The following HS3ST2 variants were observed in gnomAD, a reference collection of about 807,000 sequenced individuals.
HS3ST2 encodes heparan sulfate-glucosamine 3-sulfotransferase 2.
In HS3ST2, 17 loss-of-function variants were observed where a neutral mutation model predicts 26.3. The observed-to-expected ratio is 0.65, with a 90% confidence interval of 0.44 to 0.97. The LOEUF is 0.97. HS3ST2 is among the 50% of genes least tolerant of loss of function. The pLI, the probability that HS3ST2 is intolerant of heterozygous loss-of-function variation, is 0.00. For synonymous variants in HS3ST2, 237 were observed against 219.2 expected (o/e 1.08, Z -0.72); for missense variants, 402 against 501.2 (o/e 0.80, Z 1.89).
rs1040433437 is a variant in HS3ST2 at position 22,858,483 on chromosome 16, T to C, written c.485+43388T>C. On this transcript the variant is annotated intron_variant, in intron 1 of 1. Transcript: ENST00000261374. ...CAAGATGTTTTATGTTCCCAAACAA[T>C]GAAGTATAGGATAATTAGATCACTA... Among the ~76,000 whole-genome samples the C allele has an allele frequency of 5.3e-5, 8 of 152,040 alleles. No homozygotes were observed. The East Asian group carries it at 1.5e-3, about 29-fold the overall frequency.
Position 22,909,231 on chromosome 16 carries a change from G to C in HS3ST2, c.486-5713G>C, listed in dbSNP as rs917520379. 3.3e-5 allele frequency among the ~76,000 whole-genome samples: 5 copies of C among 152,106 alleles called. No homozygotes were observed. The South Asian group carries it at 6.2e-4, about 19-fold the overall frequency. On this transcript the variant is annotated intron_variant, in intron 1 of 1. Coordinates refer to ENST00000261374, the MANE Select transcript of HS3ST2 (RefSeq NM_006043.2). The stretch of plus-strand genomic sequence containing the variant: ...GTAGTAGTCCTCAAGGAAAAATCTG[G>C]GGCTGTTACCAGATGTAGGGAAAAT...
chr16:22,846,893 A>G (rs891885901), intron 1 of HS3ST2, among the ~76,000 whole-genome samples: 1 of 152,216 alleles, frequency 6.6e-6, no homozygotes, highest in Non-Finnish European at 1.5e-5. Flanking sequence ...GAGTCAGGAT[A>G]CAAAAGTGGG....
chr16:22,910,143 A>G (rs1567502355), intron 1 of HS3ST2, among the ~76,000 whole-genome samples: 1 of 152,168 alleles, frequency 6.6e-6, no homozygotes, highest in Non-Finnish European at 1.5e-5. Context: ...TTTGGAGATC[A>G]CTGGATTTGG....
At chr16:22,846,682 A>G (rs1391868277) in intron 1 of HS3ST2, among the ~76,000 whole-genome samples, 1 of 152,214 alleles carries the variant, frequency 6.6e-6, no homozygotes, top group African/African-American at 2.4e-5. Flanking sequence ...GTTGATGAGA[A>G]GGTGGACTAG....
chr16:22,833,852 C>G (rs577174780), intron 1 of HS3ST2, among the ~76,000 whole-genome samples: 1 of 151,576 alleles, frequency 6.6e-6, no homozygotes, highest in South Asian at 2.1e-4. Context: ...GAGATATTCA[C>G]GTGGCAGAAT....
At chr16:22,900,621 G>A (rs1902270427) in intron 1 of HS3ST2, among the ~76,000 whole-genome samples, 1 of 152,128 alleles carries the variant, frequency 6.6e-6, no homozygotes, top group Non-Finnish European at 1.5e-5. Context: ...GAAGTGGTAA[G>A]TTGAGGAGAA....
At chr16:22,866,487 A>C (rs1901754583) in intron 1 of HS3ST2, among the ~76,000 whole-genome samples, 1 of 152,028 alleles carries the variant, frequency 6.6e-6, no homozygotes, top group African/African-American at 2.4e-5. Flanking sequence ...ATTTGTATGA[A>C]GGCTGGGCAC....
At chr16:22,858,089 T>G (rs1445717426) in intron 1 of HS3ST2, among the ~76,000 whole-genome samples, 3 of 127,752 alleles carry the variant, frequency 2.3e-5, no homozygotes, top group African/African-American at 1.0e-4. Flanking sequence ...TAAGAGCTCT[T>G]AGGCATTTTA....
chr16:22,851,442 A>ACTAG (rs1289241526), intron 1 of HS3ST2, among the ~76,000 whole-genome samples: 1 of 152,234 alleles, frequency 6.6e-6, no homozygotes, highest in Non-Finnish European at 1.5e-5. Context: ...AATTGGCAAA[A>ACTAG]CTAGAATTAG....
intron 1 of HS3ST2, among the ~76,000 whole-genome samples, chr16:22,837,121 T>TG (rs1325986027): frequency 3.2e-5 from 3 of 95,036 alleles, no homozygotes; most frequent in African/African-American, 9.2e-5. Context: ...CCTATACAGT[T>TG]TTTTTTTTTT....
intron 1 of HS3ST2, among the ~76,000 whole-genome samples, chr16:22,847,524 A>G (rs1313620172): frequency 6.6e-6 from 1 of 152,222 alleles, no homozygotes; most frequent in Non-Finnish European, 1.5e-5. Flanking sequence ...GTATATTGCA[A>G]AACAATATAC....
chr16:22,909,243 G>A (rs971408489), intron 1 of HS3ST2, among the ~76,000 whole-genome samples: 1 of 152,212 alleles, frequency 6.6e-6, no homozygotes, highest in Non-Finnish European at 1.5e-5. Context: ...GCTGTTACCA[G>A]ATGTAGGGAA....
intron 1 of HS3ST2, among the ~76,000 whole-genome samples, chr16:22,911,462 A>G (rs1275199929): frequency 2.0e-5 from 3 of 152,208 alleles, no homozygotes; most frequent in Non-Finnish European, 4.4e-5. Flanking sequence ...AAATTACTGC[A>G]AACTAGGTGG....
At chr16:22,859,415 C>G (rs13331591) in intron 1 of HS3ST2, among the ~76,000 whole-genome samples, 9,839 of 152,196 alleles carry the variant, frequency 0.065, 411 homozygotes, top group African/African-American at 0.12. Flanking sequence ...TTGCAGAAAG[C>G]TAGATAACTG....
At chr16:22,834,217 A>T (rs551804625) in intron 1 of HS3ST2, among the ~76,000 whole-genome samples, 10 of 152,262 alleles carry the variant, frequency 6.6e-5, no homozygotes, top group Non-Finnish European at 1.3e-4. Context: ...AAAAATTAGG[A>T]AACTGATTAA....
chr16:22,837,634 C>CAA (rs1280078384), intron 1 of HS3ST2, among the ~76,000 whole-genome samples: 1 of 149,436 alleles, frequency 6.7e-6, no homozygotes, highest in African/African-American at 2.5e-5. Flanking sequence ...CACACAAACA[C>CAA]ACACACATAT....
chr16:22,895,086 T>G (rs1596629430), intron 1 of HS3ST2, among the ~76,000 whole-genome samples: 1 of 133,086 alleles, frequency 7.5e-6, no homozygotes, highest in Non-Finnish European at 1.7e-5. Context: ...TTTTTTTTTT[T>G]GTTGTTTGTT....
At chr16:22,839,395 A>G (rs1475704788) in intron 1 of HS3ST2, among the ~76,000 whole-genome samples, 1 of 152,214 alleles carries the variant, frequency 6.6e-6, no homozygotes, top group Non-Finnish European at 1.5e-5. Context: ...GAGTAGAACA[A>G]TGCTCCTTCC....
At chr16:22,910,801 G>A (rs1017967303) in intron 1 of HS3ST2, among the ~76,000 whole-genome samples, 2 of 152,178 alleles carry the variant, frequency 1.3e-5, no homozygotes, top group African/African-American at 2.4e-5. Flanking sequence ...AAAGGTAGAA[G>A]GGGAAGGGAT....
Sources: gnomAD v4.1 joint callset for allele counts (sites outside exome capture counted in the v4.1 genomes callset) on GRCh38, gnomAD v4.1.1 for gene constraint, MANE v1.5 for transcripts, NCBI Gene and HGNC (gene_info 2026-07-23, HGNC 2026-07-21) for gene names.